NR5A2: variants seen among roughly 807,000 people sequenced by gnomAD.
The protein encoded by NR5A2 is nuclear receptor subfamily 5 group A member 2.
Under a neutral mutation model 62.7 loss-of-function variants are expected in NR5A2, and 26 were observed. That is an observed-to-expected ratio of 0.41 (90% CI 0.30 to 0.58). The LOEUF is 0.58. NR5A2 is among the 20% of genes least tolerant of loss of function. NR5A2 has a pLI of 0.22. For missense variants in NR5A2, 541 were observed against 669.1 expected (o/e 0.81, Z 2.11); for synonymous variants, 246 against 241.7 (o/e 1.02, Z -0.16).
chr1:200,064,240 T>G (rs1314299371), intron 5 of NR5A2, among the ~76,000 whole-genome samples: 1 of 152,088 alleles, frequency 6.6e-6, no homozygotes, highest in Non-Finnish European at 1.5e-5. Flanking sequence ...CCTCCTGACA[T>G]TGATGCGGCA....
chr1:200,045,430 CTCTG>C lies in NR5A2; in HGVS notation c.322-9_322-6del, dbSNP rs1250488371. 1.3e-6 allele frequency: 2 copies of C among 1,566,526 alleles called. No individual in the cohort carries two copies. Among genetic ancestry groups the C allele is most frequent in the East Asian group, 2.3e-5 (1 of 43,562 alleles). ...GATTTATAATACGTCTCACTATTTTCTCTGTCTTATAGGGATTTTTTAAGCGAAC... is the reference window on the plus strand; with the variant it reads ...GATTTATAATACGTCTCACTATTTTCTCTTATAGGGATTTTTTAAGCGAAC... On this transcript the variant is annotated splice_polypyrimidine_tract_variant and intron_variant, in intron 3 of 7. Transcript: ENST00000367362.
chr1:200,056,156 T>C (rs1662907825), intron 5 of NR5A2, among the ~76,000 whole-genome samples: 1 of 152,238 alleles, frequency 6.6e-6, no homozygotes, highest in South Asian at 2.1e-4. Flanking sequence ...GTGTCTATTG[T>C]AGACTCAGAA....
intron 7 of NR5A2, among the ~76,000 whole-genome samples, chr1:200,153,504 T>C (rs1571565547): frequency 6.6e-6 from 1 of 152,216 alleles, no homozygotes; most frequent in Middle Eastern, 3.4e-3. Flanking sequence ...TTATGCACAG[T>C]AGGGGCTTTC....
intron 7 of NR5A2, among the ~76,000 whole-genome samples, chr1:200,125,251 A>G (rs1394348369): frequency 6.6e-6 from 1 of 152,258 alleles, no homozygotes; most frequent in Non-Finnish European, 1.5e-5. Flanking sequence ...CTTTCAGCCC[A>G]TGTTAAGTAA....
rs1654462063 is a variant in NR5A2 at position 200,177,270 on chromosome 1, G to C, written c.*3060G>C. The C allele has an allele frequency of 6.6e-6, 1 of 152,630 alleles. No individual in the cohort carries two copies. The highest frequency in any genetic ancestry group is 1.5e-5 in the Non-Finnish European group (1 of 68,040). The allele number at this position is 152,630 out of a possible 1,614,324, so 9.5% of individuals were successfully genotyped here. A position where few individuals can be genotyped will look rare whatever the true frequency, so the allele number is the denominator to read the frequency against. ...TGGACTTGAATCCATGCAATGTTTA[G>C]AGTGTGAAGTCAGTTACTTGTTGAT... On this transcript the variant is annotated 3_prime_UTR_variant, in exon 8 of 8. Transcript: ENST00000367362.
intron 5 of NR5A2, among the ~76,000 whole-genome samples, chr1:200,105,161 T>G (rs1438840018): frequency 6.6e-6 from 1 of 152,132 alleles, no homozygotes. Context: ...GATCTTACTA[T>G]GTTGCCCAGG....
intron 7 of NR5A2, among the ~76,000 whole-genome samples, chr1:200,145,532 C>A (rs1667662579): frequency 6.7e-6 from 1 of 148,360 alleles, no homozygotes; most frequent in South Asian, 2.1e-4. Context: ...GGTGACTCAA[C>A]ATTTAAAATC....
In NR5A2 at chr1:200,125,494, A is replaced by G. The variant is rs575586320; in HGVS notation, c.1378+4539A>G. On this transcript the variant is annotated intron_variant, in intron 7 of 7. Coordinates refer to ENST00000367362, the MANE Select transcript of NR5A2 (RefSeq NM_205860.3). ...TATGGTTGCCTCAGGGAATGACTCA[A>G]CTGGCCCAGACAGAAAAGCTACTGC... is the stretch of plus-strand genomic sequence containing the variant. Among the ~76,000 whole-genome samples, 19 of 152,278 alleles carry G rather than the reference A, an allele frequency of 1.2e-4. No individual in the cohort carries two copies. The East Asian group carries it at 3.7e-3, about 29-fold the overall frequency.
At chr1:200,088,377 C>T (rs2102247802) in intron 5 of NR5A2, among the ~76,000 whole-genome samples, 1 of 152,286 alleles carries the variant, frequency 6.6e-6, no homozygotes, top group East Asian at 1.9e-4. Context: ...CCTGCCTCCG[C>T]CTCCTGAGTA....
intron 5 of NR5A2, among the ~76,000 whole-genome samples, chr1:200,052,862 G>A (rs527439666): frequency 4.6e-5 from 7 of 152,138 alleles, no homozygotes; most frequent in South Asian, 2.1e-4. Context: ...GGATGGTCTT[G>A]ATCTCCTGAC....
At chr1:200,127,601 C>T in intron 7 of NR5A2, among the ~76,000 whole-genome samples, 1 of 143,360 alleles carries the variant, frequency 7.0e-6, no homozygotes. Flanking sequence ...CACTTCAACC[C>T]AGGGGGCGGA....
chr1:200,123,802 G>A (rs1258854708), intron 7 of NR5A2, among the ~76,000 whole-genome samples: 1 of 146,684 alleles, frequency 6.8e-6, no homozygotes, highest in African/African-American at 2.5e-5. Context: ...TATTTTTAGA[G>A]GTGGTTTTTT....
chr1:200,059,783 A>G (rs141445070), intron 5 of NR5A2, among the ~76,000 whole-genome samples: 1,887 of 152,272 alleles, frequency 0.012, 24 homozygotes, highest in Non-Finnish European at 0.018. Flanking sequence ...GCTCTGACCT[A>G]TTCTTCTGCA....
intron 7 of NR5A2, among the ~76,000 whole-genome samples, chr1:200,159,437 G>C (rs1653534109): frequency 6.6e-6 from 1 of 152,080 alleles, no homozygotes; most frequent in African/African-American, 2.4e-5. Context: ...TACTGGGGTT[G>C]GGCGAGAGCA....
chr1:200,029,172 C>CG (rs1198465689), intron 1 of NR5A2: 3 of 399,130 alleles, frequency 7.5e-6, no homozygotes, highest in African/African-American at 6.5e-5. Context: ...GTTCCGCGTC[C>CG]GGGGCCGCAG....
chr1:200,154,527 C>T (rs1653287561), intron 7 of NR5A2, among the ~76,000 whole-genome samples: 1 of 151,928 alleles, frequency 6.6e-6, no homozygotes, highest in Non-Finnish European at 1.5e-5. Flanking sequence ...CACCACTGTC[C>T]ACCACTTGCA....
intron 5 of NR5A2, among the ~76,000 whole-genome samples, chr1:200,093,597 T>A (rs1302104433): frequency 6.6e-6 from 1 of 152,202 alleles, no homozygotes; most frequent in African/African-American, 2.4e-5. Flanking sequence ...CCGCCAAGAC[T>A]TGATATTTTC....
rs900324122 is a variant in NR5A2, at chr1:200,147,995, C to T, written c.1379-25968C>T. 9.9e-6 allele frequency: 3 copies of T among 303,748 alleles called. No homozygotes were observed. The highest frequency in any genetic ancestry group is 4.8e-5 in the Admixed American group (1 of 20,846). 18.8% of individuals were successfully genotyped at this position (303,748 alleles called of 1,614,324 possible). A position where few individuals can be genotyped will look rare whatever the true frequency, so the allele number is the denominator to read the frequency against. ...GGGCGGCCGCCTTGACCTCCTCCCG[C>T]GAGCCGAAAACGCCCAGTTCGAAGG... On this transcript the variant is annotated intron_variant, in intron 7 of 7. Coordinates refer to ENST00000367362, the MANE Select transcript of NR5A2 (RefSeq NM_205860.3). This position sits in a 1 kb window ranked among gnomAD's most constrained non-coding sequence, Gnocchi z 4.9.
intron 5 of NR5A2, among the ~76,000 whole-genome samples, chr1:200,081,642 T>C (rs1664296957): frequency 6.6e-6 from 1 of 152,210 alleles, no homozygotes; most frequent in African/African-American, 2.4e-5. Flanking sequence ...CAATGGAATC[T>C]GCATTGAAAA....
Sources: allele counts gnomAD v4.1 joint callset (sites outside exome capture counted in the v4.1 genomes callset), GRCh38; gene constraint gnomAD v4.1.1; non-coding constraint Gnocchi (gnomAD v3.1); transcripts MANE v1.5; gene names NCBI Gene and HGNC (gene_info 2026-07-23, HGNC 2026-07-21).